The following CTTNBP2 variants were observed in gnomAD, a reference collection of about 807,000 sequenced individuals.
CTTNBP2 encodes the protein cortactin-binding protein 2.
A neutral mutation model predicts 156.9 loss-of-function variants in CTTNBP2; 108 were observed. The ratio of observed to expected loss-of-function variants is 0.69; its 90% CI spans 0.59 to 0.81. The LOEUF (loss-of-function observed/expected upper bound fraction) is 0.81, where lower values mean the gene tolerates loss of function less well. Ranked by LOEUF, CTTNBP2 falls within the 30% of genes least tolerant of loss-of-function variation. The pLI is 0.00. For synonymous variants in CTTNBP2, 767 were observed against 751.8 expected (o/e 1.02, Z -0.33); for missense variants, 1,924 against 2,035.4 (o/e 0.95, Z 1.05).
At chr7:117,835,856 T>G (rs1801904250) in intron 2 of CTTNBP2, among the ~76,000 whole-genome samples, 1 of 152,188 alleles carries the variant, frequency 6.6e-6, no homozygotes, top group Non-Finnish European at 1.5e-5. Context: ...CTCTGTGATC[T>G]CTGCCAAGTT....
At chr7:117,871,357 C>A (rs1804585482) in intron 1 of CTTNBP2, among the ~76,000 whole-genome samples, 1 of 152,176 alleles carries the variant, frequency 6.6e-6, no homozygotes, top group African/African-American at 2.4e-5. Context: ...CAAAAGCCAT[C>A]ATCAAAATTT....
At chr7:117,871,927 A>G (rs1300066364) in intron 1 of CTTNBP2, 1 of 981,110 alleles carries the variant, frequency 1.0e-6, no homozygotes, top group African/African-American at 1.8e-5. Context: ...GGATGAAGGC[A>G]CCAAATCATT....
intron 12 of CTTNBP2, among the ~76,000 whole-genome samples, chr7:117,754,523 A>G (rs946014411): frequency 1.3e-5 from 2 of 152,244 alleles, no homozygotes; most frequent in African/African-American, 4.8e-5. Flanking sequence ...GTTGTGAAAC[A>G]ACTGAAATAA....
chr7:117,871,171 A>C (rs566903130), intron 1 of CTTNBP2, among the ~76,000 whole-genome samples: 2 of 152,312 alleles, frequency 1.3e-5, no homozygotes, highest in African/African-American at 4.8e-5. Context: ...AGAACCCAAA[A>C]TGCATAAAAC....
In CTTNBP2 at chr7:117,861,134, AAAG is replaced by A; in HGVS notation, c.189+72_189+74del. 9.6e-6 allele frequency: 8 copies of A among 834,146 alleles called. 1 individual carries two copies. In the South Asian group the frequency reaches 1.1e-4, roughly 12 times the overall value. The allele number at this position is 834,146 out of a possible 1,614,324, so 51.7% of individuals were successfully genotyped here. A position where few individuals can be genotyped will look rare whatever the true frequency, so the allele number is the denominator to read the frequency against. The stretch of plus-strand genomic sequence containing the variant: ...ATCTATTTGATTCAAAAATTAAGAA[AAAG>A]AAGGTTTGCCAATGGCTCTTTGAAA... On this transcript the variant is annotated intron_variant, in intron 2 of 22. Coordinates refer to ENST00000160373, the MANE Select transcript of CTTNBP2 (RefSeq NM_033427.3).
intron 19 of CTTNBP2, among the ~76,000 whole-genome samples, chr7:117,721,372 T>C (rs1410145137): frequency 6.6e-6 from 1 of 152,222 alleles, no homozygotes; most frequent in Non-Finnish European, 1.5e-5. Context: ...TCGGTACAAC[T>C]AACACTACCT....
intron 4 of CTTNBP2, among the ~76,000 whole-genome samples, chr7:117,789,661 C>CA (rs372079251): frequency 1.2e-4 from 18 of 152,274 alleles, no homozygotes; most frequent in Middle Eastern, 3.4e-3. Flanking sequence ...AGCAAATTCT[C>CA]AAAAATACTG....
At chr7:117,730,111 G>A (rs1296798138) in intron 16 of CTTNBP2, among the ~76,000 whole-genome samples, 2 of 152,144 alleles carry the variant, frequency 1.3e-5, no homozygotes, top group East Asian at 1.9e-4. Context: ...TCAAGGCCAC[G>A]TAGTTGTCCC....
At chr7:117,790,646 T>C (rs1039411743) in intron 4 of CTTNBP2, among the ~76,000 whole-genome samples, 1 of 150,538 alleles carries the variant, frequency 6.6e-6, no homozygotes, top group Non-Finnish European at 1.5e-5. Flanking sequence ...GAACTTAAAA[T>C]ATACCAATTA....
rs1291982315 is a variant in CTTNBP2, at chr7:117,792,158, G to A, written c.1038C>T (p.Cys346=). ...LVSANAKGSV[C]TSATMARPGI... is the part of the protein sequence containing the mutation. Reference sequence around the variant, plus strand: ...CTGGTCTGGCCATGGTGGCACTGGTGCACACGCTCCCTTTTGCATTTGCAG... The same window carrying A: ...CTGGTCTGGCCATGGTGGCACTGGTACACACGCTCCCTTTTGCATTTGCAG... The change falls in exon 4 of 23, where the codon TGC becomes TGT. Residue 346 remains cysteine (C), a synonymous_variant. Coordinates refer to ENST00000160373, the MANE Select transcript of CTTNBP2 (RefSeq NM_033427.3). This position sits in a 1 kb window ranked among gnomAD's most constrained non-coding sequence, Gnocchi z 4.2. 3.1e-6 allele frequency: 5 copies of A among 1,614,038 alleles called. No homozygotes were observed. In the Admixed American group the frequency reaches 8.3e-5, roughly 27 times the overall value.
chr7:117,862,465 G>T (rs1327084833), intron 1 of CTTNBP2, among the ~76,000 whole-genome samples: 1 of 152,072 alleles, frequency 6.6e-6, no homozygotes, highest in East Asian at 1.9e-4. Context: ...CGATTCTTTT[G>T]TCTTCCACTC....
At chr7:117,724,420 G>A in intron 19 of CTTNBP2, 127 bp downstream of exon 19, 1 of 757,086 alleles carries the variant, frequency 1.3e-6, no homozygotes, top group Non-Finnish European at 2.1e-6. Flanking sequence ...ATGAAAATGT[G>A]CATTAAAATA....
At chr7:117,847,273 C>T (rs762212831) in intron 2 of CTTNBP2, among the ~76,000 whole-genome samples, 16 of 152,156 alleles carry the variant, frequency 1.1e-4, no homozygotes, top group African/African-American at 1.4e-4. Context: ...TGGTAGCTCA[C>T]GCCTGTAATC....
chr7:117,820,904 T>C (rs1800923443), intron 2 of CTTNBP2, among the ~76,000 whole-genome samples: 1 of 152,210 alleles, frequency 6.6e-6, no homozygotes, highest in Non-Finnish European at 1.5e-5. Context: ...TGGTAAGTCA[T>C]TTTATATTCT....
intron 2 of CTTNBP2, among the ~76,000 whole-genome samples, chr7:117,814,681 GC>G (rs1800477714): frequency 6.6e-6 from 1 of 152,172 alleles, no homozygotes; most frequent in African/African-American, 2.4e-5. Flanking sequence ...TCCTGCCTCA[GC>G]CTCACAAAGT....
chr7:117,724,968 G>T, intron 18 of CTTNBP2, 84 bp downstream of exon 18: 1 of 1,304,896 alleles, frequency 7.7e-7, no homozygotes, highest in Non-Finnish European at 1.1e-6. Flanking sequence ...TAATTACAAA[G>T]AAAGAAAGCT....
At chr7:117,719,179 C>T (rs1227847864) in intron 21 of CTTNBP2, among the ~76,000 whole-genome samples, 2 of 152,130 alleles carry the variant, frequency 1.3e-5, no homozygotes, top group South Asian at 2.1e-4. Context: ...CCAGTCTGGG[C>T]GACAAGAGCG....
chr7:117,805,894 A>G (rs1799909942), intron 3 of CTTNBP2, among the ~76,000 whole-genome samples: 1 of 152,208 alleles, frequency 6.6e-6, no homozygotes, highest in African/African-American at 2.4e-5. Context: ...ACCACACTAG[A>G]AACTACAAAG....
chr7:117,846,207 A>G (rs1802578447), intron 2 of CTTNBP2, among the ~76,000 whole-genome samples: 1 of 152,172 alleles, frequency 6.6e-6, no homozygotes, highest in Admixed American at 6.5e-5. Flanking sequence ...ACAGCTGATG[A>G]CAGAATATAG....
Sources: allele counts gnomAD v4.1 joint callset (sites outside exome capture counted in the v4.1 genomes callset), GRCh38; gene constraint gnomAD v4.1.1; non-coding constraint Gnocchi (gnomAD v3.1); transcripts MANE v1.5; gene names NCBI Gene and HGNC (gene_info 2026-07-23, HGNC 2026-07-21).